Variants in KLHL25 observed in about 807,000 individuals in gnomAD.
KLHL25 encodes the protein kelch-like protein 25.
In KLHL25, 41 loss-of-function variants were observed where a neutral mutation model predicts 30.0. The ratio of observed to expected loss-of-function variants is 1.37; its 90% CI spans 1.07 to 1.78. KLHL25 has a LOEUF of 1.78. Among genes scored for constraint, KLHL25 ranks in the 40% most tolerant of loss-of-function variants. The probability of loss-of-function intolerance (pLI) is 0.00; values close to 1 mark genes in which losing one functional copy is unlikely to be tolerated. For missense variants in KLHL25, 971 were observed against 824.5 expected (o/e 1.18, Z -2.18); for synonymous variants, 399 against 355.3 (o/e 1.12, Z -1.38).
intron 1 of KLHL25, among the ~76,000 whole-genome samples, chr15:85,776,667 T>C (rs1201071631): frequency 6.6e-6 from 1 of 152,186 alleles, no homozygotes; most frequent in Non-Finnish European, 1.5e-5. Context: ...GGCTCACGCC[T>C]GTAATACCAG....
At chr15:85,767,134 G>A (rs2089630488) in intron 2 of KLHL25, among the ~76,000 whole-genome samples, 1 of 152,102 alleles carries the variant, frequency 6.6e-6, no homozygotes. Flanking sequence ...GGGATTACAG[G>A]TGTGCACCAC....
intron 1 of KLHL25, among the ~76,000 whole-genome samples, chr15:85,775,447 C>G (rs1403468809): frequency 6.6e-6 from 1 of 152,192 alleles, no homozygotes; most frequent in Non-Finnish European, 1.5e-5. Context: ...AGACACGGCC[C>G]TTCCTGGCAC....
chr15:85,781,825 T>A (rs766472328), intron 1 of KLHL25, among the ~76,000 whole-genome samples: 2 of 152,102 alleles, frequency 1.3e-5, no homozygotes, highest in African/African-American at 2.4e-5. Context: ...CTGTTTTTTT[T>A]AAGAACTAAG....
At chr15:85,764,962 TCC>T (rs2089609627) in intron 2 of KLHL25, among the ~76,000 whole-genome samples, 1 of 152,120 alleles carries the variant, frequency 6.6e-6, no homozygotes, top group South Asian at 2.1e-4. Flanking sequence ...CCTTCCAGGG[TCC>T]CTGGGATCAG....
chr15:85,778,138 T>G (rs1207984461), intron 1 of KLHL25, among the ~76,000 whole-genome samples: 4 of 152,148 alleles, frequency 2.6e-5, no homozygotes, highest in African/African-American at 9.7e-5. Context: ...TCAATCCCAC[T>G]CCTAGGAACC....
rs376610881 is a variant in KLHL25 at position 85,783,333 on chromosome 15, A to T, written c.-11+11433T>A. On this transcript the variant is annotated intron_variant, in intron 1 of 2. Coordinates refer to ENST00000337975, the MANE Select transcript of KLHL25 (RefSeq NM_022480.4). ...GGTCTCGAACTCCTGACCTCAGGTG[A>T]TCCACCTGCCTTGGCCTCCCAAAGT... Among the ~76,000 whole-genome samples, 31 of 151,742 alleles carry T rather than the reference A, an allele frequency of 2.0e-4. No individual in the cohort carries two copies. In the East Asian group the frequency reaches 5.5e-3, roughly 27 times the overall value.
At chr15:85,794,533 G>A (rs1177560824) in intron 1 of KLHL25, among the ~76,000 whole-genome samples, 2 of 152,220 alleles carry the variant, frequency 1.3e-5, no homozygotes, top group Non-Finnish European at 1.5e-5. Context: ...CTCGCGCAGA[G>A]CTCTCGGCGA....
At chr15:85,762,381 C>A (rs1417323481) in intron 2 of KLHL25, 1 of 152,342 alleles carries the variant, frequency 6.6e-6, no homozygotes, top group African/African-American at 2.4e-5. Context: ...GAAAGGAATA[C>A]AGATGACAGC....
Position 85,768,816 on chromosome 15 carries a change from T to C in KLHL25, c.995A>G (p.Glu332Gly). Residue 332 changes from glutamate to glycine, a missense_variant, in exon 2 of 3, where the codon GAG becomes GGG. Glu to Gly is a moderately conservative substitution (Grantham distance 98). Coordinates refer to ENST00000337975, the MANE Select transcript of KLHL25 (RefSeq NM_022480.4). ...PKADLPSPRK[E>G]FSASAIGCKV... ...GCAGCCGATCGCTGAGGCGCTGAAC[T>C]CCTTCCGGGGGCTGGGCAGGTCGGC... The C allele has an allele frequency of 5.6e-6, 9 of 1,613,350 alleles. No homozygotes were observed. Among genetic ancestry groups the C allele is most frequent in the Non-Finnish European group, 7.6e-6 (9 of 1,180,034 alleles).
Position 85,768,868 on chromosome 15 carries a change from G to T in KLHL25, c.943C>A (p.His315Asn), listed in dbSNP as rs1168356240. Residue 315 changes from histidine to asparagine, a missense_variant, in exon 2 of 3, where the codon CAC (histidine) becomes AAC (asparagine). Coordinates refer to ENST00000337975, the MANE Select transcript of KLHL25 (RefSeq NM_022480.4). ...FMCDKIYQVD[H>N]KAKEIIPKAD... is the part of the protein sequence containing the mutation. ...TTGGGGATGATCTCCTTGGCCTTGT[G>T]GTCCACCTGGTAGATCTTGTCACAC... 2 of 1,613,338 alleles carry T rather than the reference G, an allele frequency of 1.2e-6. No individual in the cohort carries two copies. Among genetic ancestry groups the T allele is most frequent in the Admixed American group, 1.7e-5 (1 of 60,038 alleles).
At position 85,769,949 on chromosome 15, in the gene KLHL25, C is replaced by CCCCT. The variant is rs542519239; in HGVS notation, c.-10-133_-10-130dup. The CCCCT allele has an allele frequency of 5.6e-3, 4,341 of 770,554 alleles. 21 individuals carry two copies. The highest frequency in any genetic ancestry group is 6.4e-3 in the Non-Finnish European group (3,128 of 489,666). The allele number at this position is 770,554 out of a possible 1,614,324, so 47.7% of individuals were successfully genotyped here. A position where few individuals can be genotyped will look rare whatever the true frequency, so the allele number is the denominator to read the frequency against. ...CTCTGCTCACCTCTGCTAAACCAAG[C>CCCCT]CCCTCTCCCGCAACCACGTTGCCAA... On this transcript the variant is annotated intron_variant, in intron 1 of 2. Coordinates refer to ENST00000337975, the MANE Select transcript of KLHL25 (RefSeq NM_022480.4).
chr15:85,770,546 G>A (rs771589518), intron 1 of KLHL25: 1 of 534,196 alleles, frequency 1.9e-6, no homozygotes, highest in South Asian at 1.4e-5. Context: ...TCTGAATCCA[G>A]GTGTCTCCAC....
chr15:85,767,822 G>A (rs997168489), intron 2 of KLHL25, among the ~76,000 whole-genome samples, 195 bp downstream of exon 2: 2 of 152,248 alleles, frequency 1.3e-5, no homozygotes, highest in Admixed American at 6.5e-5. Context: ...TTGCAGACTG[G>A]TTCAATAATT....
chr15:85,776,769 C>CA (rs1212168760), intron 1 of KLHL25, among the ~76,000 whole-genome samples: 10 of 150,536 alleles, frequency 6.6e-5, no homozygotes, highest in Non-Finnish European at 1.0e-4. Context: ...ACTAAAAATA[C>CA]AAAAAATTAG....
Position 85,768,605 on chromosome 15 carries a change from G to T in KLHL25, c.1206C>A (p.Val402=). 1 of 1,610,778 alleles carries T rather than the reference G, an allele frequency of 6.2e-7. No homozygotes were observed. The highest frequency in any genetic ancestry group is 8.5e-7 in the Non-Finnish European group (1 of 1,177,540). ...GGGAGACAGAAGGCGAGGCCGGGAA[G>T]ACCCCTGCCAGGGATGTGTGTCCCC... ...VVGGHTSLAG[V]FPASPSVSLK... Residue 402 remains valine (V), a synonymous_variant, in exon 2 of 3, where the codon GTC becomes GTA. Transcript: ENST00000337975.
At position 85,769,402 on chromosome 15, in the gene KLHL25, C is replaced by A; in HGVS notation, c.409G>T (p.Ala137Ser). Residue 137 changes from alanine (A) to serine (S), a missense_variant, in exon 2 of 3, where the codon GCC (alanine) becomes TCC (serine). Physicochemically the swap from Ala to Ser is moderately conservative, Grantham distance 99. Transcript: ENST00000337975. ...AAAAGGTTCTTCTCCAGGAACTCGG[C>A]GGCAGCATCCCGCACATCGTGGAAC... is the stretch of plus-strand genomic sequence containing the variant. ...LQFHDVRDAA[A>S]EFLEKNLFPS... 3 of 1,614,148 alleles carry A rather than the reference C, an allele frequency of 1.9e-6. No individual in the cohort carries two copies. The highest frequency in any genetic ancestry group is 2.5e-6 in the Non-Finnish European group (3 of 1,180,036).
rs976791589 is a variant in KLHL25, at chr15:85,789,438, T to C, written c.-11+5328A>G. Among the ~76,000 whole-genome samples, 2 of 152,016 alleles carry C rather than the reference T, an allele frequency of 1.3e-5. No individual in the cohort carries two copies. Among genetic ancestry groups the C allele is most frequent in the African/African-American group, 4.8e-5 (2 of 41,396 alleles). On this transcript the variant is annotated intron_variant, in intron 1 of 2. Transcript: ENST00000337975. This position sits in a 1 kb window ranked among gnomAD's most constrained non-coding sequence, Gnocchi z 4.1. ...CTCTGTTGCCCAGGCTGCAGTGCCA[T>C]GGCGCGATCTCGGCTTACTGCAACT... is the stretch of plus-strand genomic sequence containing the variant.
Position 85,769,091 on chromosome 15 carries a change from C to A in KLHL25, c.720G>T (p.Leu240Phe). Residue 240 changes from leucine (L) to phenylalanine (F), a missense_variant, in exon 2 of 3, where the codon TTG becomes TTT. Physicochemically the swap from Leu to Phe is conservative, Grantham distance 22 (BLOSUM62 0). Transcript: ENST00000337975. ...CCTCCTGCAGGCAGTCGGACGGCAG[C>A]AAGGCCAGACGCACGCTGCGGAGGA... Reference protein sequence around the residue: ...PELLRSVRLALLPSDCLQEAV... With the variant: ...PELLRSVRLAFLPSDCLQEAV... 6.2e-7 allele frequency: 1 copy of A among 1,606,598 alleles called. No individual in the cohort carries two copies. The highest frequency in any genetic ancestry group is 8.5e-7 in the Non-Finnish European group (1 of 1,175,232).
intron 1 of KLHL25, among the ~76,000 whole-genome samples, chr15:85,774,145 G>A (rs1030349652): frequency 1.3e-5 from 2 of 152,154 alleles, no homozygotes. Flanking sequence ...AGCAGGCCCC[G>A]GGAAGCCTCC....
Sources: gnomAD v4.1 joint callset for allele counts (sites outside exome capture counted in the v4.1 genomes callset) on GRCh38, gnomAD v4.1.1 for gene constraint, Gnocchi (gnomAD v3.1) non-coding constraint, MANE v1.5 for transcripts, NCBI Gene and HGNC (gene_info 2026-07-23, HGNC 2026-07-21) for gene names.